CP: variants seen among roughly 807,000 people sequenced by gnomAD.
The protein encoded by CP is caeruloplasmin.
Under a neutral mutation model 122.4 loss-of-function variants are expected in CP, and 64 were observed. The observed-to-expected ratio is 0.52, with a 90% CI of 0.43 to 0.64. The LOEUF is 0.64. Among genes scored for constraint, CP ranks in the 30% least tolerant of loss-of-function variants. The pLI, the probability that CP is intolerant of heterozygous loss-of-function variation, is 0.00. For synonymous variants in CP, 440 were observed against 436.4 expected, an observed-to-expected ratio of 1.01 and a Z score of -0.10; for missense variants, 1,167 against 1,284.4, an observed-to-expected ratio of 0.91 and a Z score of 1.40.
rs369493817 is a variant in CP at position 149,178,956 on chromosome 3, G to C, written c.2662-325C>G. Among the ~76,000 whole-genome samples the C allele has an allele frequency of 4.6e-5, 7 of 152,172 alleles. No homozygotes were observed. The East Asian group carries it at 1.3e-3, about 29-fold the overall frequency. On this transcript the variant is annotated intron_variant, in intron 15 of 18. Coordinates refer to ENST00000264613, the MANE Select transcript of CP (RefSeq NM_000096.4). ...GTTCCATAAACTCATGAACTCTTGA[G>C]TGTGAGCCAAGCGCTATGGCAGTCC...
At chr3:149,204,462 C>T (rs1173970695) in intron 6 of CP, among the ~76,000 whole-genome samples, 1 of 152,096 alleles carries the variant, frequency 6.6e-6, no homozygotes, top group Non-Finnish European at 1.5e-5. Flanking sequence ...TAGCCTCATC[C>T]ATGTGGGGGT....
intron 5 of CP, among the ~76,000 whole-genome samples, chr3:149,163,072 C>G (rs955965021): frequency 1.3e-5 from 2 of 152,182 alleles, no homozygotes; most frequent in Non-Finnish European, 2.9e-5. Context: ...ATTTTGTACT[C>G]TAAAGAATGT....
At chr3:149,207,694 A>G in intron 4 of CP, 77 bp from the exon 5 acceptor site, 1 of 1,511,016 alleles carries the variant, frequency 6.6e-7, no homozygotes, top group Admixed American at 1.7e-5. Flanking sequence ...ATATAAATAG[A>G]ATCAATTTGG....
chr3:149,177,672 A>C, intron 17 of CP, 168 bp downstream of exon 17: 1 of 746,442 alleles, frequency 1.3e-6, no homozygotes. Flanking sequence ...TTTTTTCCTG[A>C]ATATTTTCAA....
chr3:149,194,922 G>T (rs1302695666), intron 9 of CP, among the ~76,000 whole-genome samples: 2 of 152,024 alleles, frequency 1.3e-5, no homozygotes, highest in Non-Finnish European at 1.5e-5. Flanking sequence ...CATATTAAAG[G>T]GCTCTCCTAA....
rs797045480 is a variant in CP at position 149,209,255 on chromosome 3, A to G, written c.737T>C (p.Val246Ala). The change falls in exon 4 of 19, where the codon GTT becomes GCT. Residue 246 changes from valine to alanine, a missense_variant. By Grantham distance (64) the Val-to-Ala change is moderately conservative. Transcript: ENST00000264613. ...IKTYCSEPEK[V>A]DKDNEDFQES... ...CTGGAAGTCTTCGTTGTCTTTGTCA[A>G]CTTTCTCTGGTTCTGAGCAGTAGGT... 3 of 1,613,758 alleles carry G rather than the reference A, an allele frequency of 1.9e-6. No homozygotes were observed. The highest frequency in any genetic ancestry group is 2.5e-6 in the Non-Finnish European group (3 of 1,179,740).
chr3:149,219,421 C>T (rs1576792530), intron 1 of CP, among the ~76,000 whole-genome samples: 1 of 152,282 alleles, frequency 6.6e-6, no homozygotes, highest in Admixed American at 6.5e-5. Flanking sequence ...GTGGAGGTAA[C>T]TGAATCATGG....
In CP at chr3:149,185,407, G is replaced by A; in HGVS notation, c.2117C>T (p.Thr706Ile). Residue 706 changes from threonine to isoleucine, a missense_variant, in exon 12 of 19, where the codon ACA (threonine) becomes ATA (isoleucine). Physicochemically the swap from Thr to Ile is moderately conservative, Grantham distance 89. This residue lies in a region of CP where 525 missense variants were observed against 657.2 expected (regional missense o/e 0.80). Transcript: ENST00000264613. ...AGTATATTTTTGCTTCATGCCGCCT[G>A]TGTAATGATCAGTTGTAAGGCATTC... ...NVECLTTDHY[T>I]GGMKQKYTVN... The A allele has an allele frequency of 6.2e-7, 1 of 1,614,162 alleles. No individual in the cohort carries two copies. The highest frequency in any genetic ancestry group is 8.5e-7 in the Non-Finnish European group (1 of 1,180,024).
In CP at chr3:149,174,125, A is replaced by T. The variant is rs184409930; in HGVS notation, c.3182-395T>A. On this transcript the variant is annotated intron_variant, in intron 18 of 18. Transcript: ENST00000264613. Reference sequence around the variant, plus strand: ...GCCAAAAGTGCATAACCTAAATCTAATCATAAGGAAACATTAGACAAACTC... The same window carrying T: ...GCCAAAAGTGCATAACCTAAATCTATTCATAAGGAAACATTAGACAAACTC... Among the ~76,000 whole-genome samples, 4 of 152,270 alleles carry T rather than the reference A, an allele frequency of 2.6e-5. No homozygotes were observed. In the East Asian group the frequency reaches 7.7e-4, roughly 29 times the overall value.
chr3:149,188,256 C>T (rs1345441833), intron 9 of CP, 54 bp from the exon 10 acceptor site: 2 of 1,465,052 alleles, frequency 1.4e-6, no homozygotes, highest in African/African-American at 2.8e-5. Flanking sequence ...CAGAAGACTT[C>T]CATGTGCACA....
At chr3:149,184,488 C>T (rs1726021080) in intron 12 of CP, among the ~76,000 whole-genome samples, 1 of 152,206 alleles carries the variant, frequency 6.6e-6, no homozygotes, top group South Asian at 2.1e-4. Context: ...TTGTGCTATG[C>T]ACCCTGGATC....
chr3:149,199,547 G>C (rs1179454061), intron 8 of CP, among the ~76,000 whole-genome samples, 165 bp downstream of exon 8: 1 of 152,196 alleles, frequency 6.6e-6, no homozygotes, highest in African/African-American at 2.4e-5. Context: ...AAACCAATTG[G>C]AGGTAGGAGA....
intron 2 of CP, among the ~76,000 whole-genome samples, chr3:149,211,496 G>A (rs1728094819): frequency 6.6e-6 from 1 of 152,136 alleles, no homozygotes; most frequent in Non-Finnish European, 1.5e-5. Context: ...TACCATCATT[G>A]TTAAGGACTA....
Position 149,199,822 on chromosome 3 carries a change from G to C in CP, c.1391C>G (p.Thr464Ser), listed in dbSNP as rs771374163. The C allele has an allele frequency of 3.7e-6, 6 of 1,614,130 alleles. No individual in the cohort carries two copies. Among genetic ancestry groups the C allele is most frequent in the East Asian group, 2.2e-5 (1 of 44,886 alleles). ...GGGATATGCTCCTTTGTTATGGAAG[G>C]TTACTCTGATGGTGTCTCCCACCTC... ...WAEVGDTIRVTFHNKGAYPLS... is the reference protein window; with the variant it reads ...WAEVGDTIRVSFHNKGAYPLS... The change falls in exon 8 of 19, where the codon ACC (threonine) becomes AGC (serine). Residue 464 changes from threonine (T) to serine (S), a missense_variant. Physicochemically the swap from Thr to Ser is moderately conservative, Grantham distance 58. Around this residue, in one of 2 missense-constraint regions of CP, gnomAD observed 642 missense variants for 627.3 expected, o/e 1.02. Coordinates refer to ENST00000264613, the MANE Select transcript of CP (RefSeq NM_000096.4).
intron 16 of CP, among the ~76,000 whole-genome samples, 196 bp from the exon 17 acceptor site, chr3:149,178,175 C>T (rs954429391): frequency 6.6e-6 from 1 of 152,074 alleles, no homozygotes; most frequent in African/African-American, 2.4e-5. Context: ...GCACCAAAAG[C>T]CTTAATCTTA....
downstream of CP, among the ~76,000 whole-genome samples, chr3:149,169,724 G>A (rs1724790562): frequency 6.6e-6 from 1 of 152,290 alleles, no homozygotes; most frequent in South Asian, 2.1e-4. Flanking sequence ...CCATTAAAAT[G>A]GGTTAGTGGA....
downstream of CP, chr3:149,168,153 T>C: frequency 1.7e-6 from 1 of 605,894 alleles, no homozygotes; most frequent in Admixed American, 2.9e-5. Flanking sequence ...CATTTGATAT[T>C]GATTTATCTC....
At chr3:149,175,664 A>AGT (rs60005904) in intron 18 of CP, among the ~76,000 whole-genome samples, 4,072 of 145,640 alleles carry the variant, frequency 0.028, 142 homozygotes, top group African/African-American at 0.082. Context: ...CTCCATTTTA[A>AGT]GTGTGTGTGT....
chr3:149,180,076 G>C, intron 14 of CP: 1 of 250,010 alleles, frequency 4.0e-6, no homozygotes, highest in Non-Finnish European at 7.8e-6. Context: ...ATCTCTGCAT[G>C]TGTGTATCTG....
Sources: gnomAD v4.1 joint callset for allele counts (sites outside exome capture counted in the v4.1 genomes callset) on GRCh38, gnomAD v4.1.1 for gene constraint, gnomAD v4.1.1 regional missense constraint, MANE v1.5 for transcripts, NCBI Gene and HGNC (gene_info 2026-07-23, HGNC 2026-07-21) for gene names.